Variants in DSC1 observed in about 807,000 individuals in gnomAD.
DSC1 encodes the protein desmocollin 1.
Under a neutral mutation model 98.8 loss-of-function variants are expected in DSC1, and 79 were observed. The observed-to-expected ratio is 0.80, with a 90% CI of 0.67 to 0.96. The LOEUF is 0.96. DSC1 is among the 50% of genes least tolerant of loss of function. The pLI, the probability that DSC1 is intolerant of heterozygous loss-of-function variation, is 0.00. For synonymous variants in DSC1, 405 were observed against 372.1 expected (o/e 1.09, Z -1.02); for missense variants, 1,115 against 1,075.9 (o/e 1.04, Z -0.51).
At chr18:31,136,120 A>T (rs1340021950) in intron 11 of DSC1, among the ~76,000 whole-genome samples, 1 of 152,002 alleles carries the variant, frequency 6.6e-6, no homozygotes, top group Non-Finnish European at 1.5e-5. Context: ...GAAATAAAAG[A>T]GAGATATAGC....
chr18:31,145,244 C>T (rs1022517127), intron 7 of DSC1, among the ~76,000 whole-genome samples: 1 of 152,196 alleles, frequency 6.6e-6, no homozygotes, highest in East Asian at 1.9e-4. Flanking sequence ...GCCTGGCCCC[C>T]GTCTGTACTT....
intron 1 of DSC1, among the ~76,000 whole-genome samples, chr18:31,161,098 A>AT (rs1275611905): frequency 6.6e-6 from 1 of 152,184 alleles, no homozygotes; most frequent in Non-Finnish European, 1.5e-5. Context: ...GGTGTATAGT[A>AT]TATAGTATAG....
At chr18:31,142,734 T>C (rs914061168) in intron 8 of DSC1, among the ~76,000 whole-genome samples, 8 of 152,036 alleles carry the variant, frequency 5.3e-5, no homozygotes, top group Non-Finnish European at 1.0e-4. Flanking sequence ...AAGCATAAGA[T>C]ATTAAAGACT....
rs192134541 is a variant in DSC1, at chr18:31,148,292, A to G, written c.772+206T>C. Among the ~76,000 whole-genome samples, 52 of 152,306 alleles carry G rather than the reference A, an allele frequency of 3.4e-4. No homozygotes were observed. In the East Asian group the frequency reaches 8.5e-3, roughly 25 times the overall value. Reference sequence around the variant, plus strand: ...ATATTTTATCATATGAATATGCTTAAATTTAAGAAAGTGTGCTCAGAGTCA... The same window carrying G: ...ATATTTTATCATATGAATATGCTTAGATTTAAGAAAGTGTGCTCAGAGTCA... On this transcript the variant is annotated intron_variant, in intron 6 of 15. Transcript: ENST00000257198.
intron 11 of DSC1, among the ~76,000 whole-genome samples, chr18:31,135,078 C>T (rs540271814): frequency 1.6e-3 from 241 of 152,220 alleles, no homozygotes; most frequent in Non-Finnish European, 2.8e-3. Flanking sequence ...TGTCTTACAT[C>T]CTTCTTTATG....
At chr18:31,145,521 G>A (rs1988827966) in intron 7 of DSC1, 90 bp downstream of exon 7, 2 of 1,432,812 alleles carry the variant, frequency 1.4e-6, no homozygotes, top group Non-Finnish European at 1.9e-6. Flanking sequence ...GAGAAAGGAG[G>A]CCAGACTGGC....
intron 2 of DSC1, among the ~76,000 whole-genome samples, chr18:31,159,064 T>TTTTTTTTTTTTTTTA (rs1398116576): frequency 1.0e-5 from 1 of 99,742 alleles, no homozygotes; most frequent in African/African-American, 3.5e-5. Context: ...TTTTTTTTTT[T>TTTTTTTTTTTTTTTA]GAGACAGAGT....
chr18:31,151,605 G>A (rs1032953148), intron 5 of DSC1, among the ~76,000 whole-genome samples: 1 of 152,144 alleles, frequency 6.6e-6, no homozygotes, highest in Non-Finnish European at 1.5e-5. Flanking sequence ...AGTTTCCTCT[G>A]AATTATTCTA....
At chr18:31,145,819 A>G (rs767822114) in intron 6 of DSC1, 42 bp from the exon 7 acceptor site, 3 of 1,575,902 alleles carry the variant, frequency 1.9e-6, no homozygotes, top group Admixed American at 1.9e-5. Context: ...TTCTACTCAT[A>G]TAATTGAATT....
chr18:31,131,736 A>T lies in DSC1; in HGVS notation c.2345T>A (p.Met782Lys), dbSNP rs982265208. Residue 782 changes from methionine (M) to lysine (K), a missense_variant, in exon 15 of 16, where the codon ATG becomes AAG. Transcript: ENST00000257198. The stretch of plus-strand genomic sequence containing the variant: ...ATCCAAAGTGTAGCCTCCTTTGACC[A>T]TCTCAAAACTTTGCTGTGTTTTGAT... The part of the protein sequence containing the change: ...QGIKTQQSFE[M>K]VKGGYTLDSN... 1 of 1,614,154 alleles carries T rather than the reference A, an allele frequency of 6.2e-7. No homozygotes were observed. Among genetic ancestry groups the T allele is most frequent in the East Asian group, 2.2e-5 (1 of 44,876 alleles).
rs1225404858 is a variant in DSC1 at position 31,139,873 on chromosome 18, TC to T, written c.1537del (p.Asp513MetfsTer15). On this transcript the variant is annotated frameshift_variant, in exon 11 of 16. Coordinates refer to ENST00000257198, the MANE Select transcript of DSC1 (RefSeq NM_024421.2). LOFTEE classifies it high-confidence loss of function. The stretch of plus-strand genomic sequence containing the variant: ...ATTAATTTCAAACCAGTTATCTTCA[TC>T]CCCTAACTTCTGATACCTAATTTTT... ...GEGLRYQKLG[D>X]EDNWFEINQH... The T allele has an allele frequency of 1.2e-5, 19 of 1,603,210 alleles. No homozygotes were observed. The highest frequency in any genetic ancestry group is 1.6e-5 in the Non-Finnish European group (19 of 1,177,126).
At chr18:31,138,438 G>A (rs1042566272) in intron 11 of DSC1, among the ~76,000 whole-genome samples, 9 of 151,846 alleles carry the variant, frequency 5.9e-5, no homozygotes, top group African/African-American at 9.7e-5. Flanking sequence ...AGTTGATATC[G>A]TGTAAGAATT....
chr18:31,152,969 A>G lies in DSC1; in HGVS notation c.627+1805T>C, dbSNP rs16961356. Among the ~76,000 whole-genome samples, 363 of 95,870 alleles carry G rather than the reference A, an allele frequency of 3.8e-3. 1 individual carries two copies. The highest frequency in any genetic ancestry group is 0.029 in the Middle Eastern group (5 of 172). 62.9% of individuals were successfully genotyped at this position (95,870 alleles called of 152,430 possible). A position where few individuals can be genotyped will look rare whatever the true frequency, so the allele number is the denominator to read the frequency against. On this transcript the variant is annotated intron_variant, in intron 5 of 15. Coordinates refer to ENST00000257198, the MANE Select transcript of DSC1 (RefSeq NM_024421.2). The stretch of plus-strand genomic sequence containing the variant: ...GTGGTGTTTCTTAATGCCAATTCAA[A>G]CTTAACTGTGTTAATGGGACCTACA...
chr18:31,148,094 C>A (rs900745378), intron 6 of DSC1, among the ~76,000 whole-genome samples: 2 of 152,098 alleles, frequency 1.3e-5, no homozygotes, highest in Non-Finnish European at 2.9e-5. Flanking sequence ...TTATACTGAA[C>A]AACAACTTTT....
intron 1 of DSC1, among the ~76,000 whole-genome samples, chr18:31,160,527 A>G (rs1027678368): frequency 6.6e-6 from 1 of 152,146 alleles, no homozygotes; most frequent in African/African-American, 2.4e-5. Context: ...TCTACCAGAT[A>G]TACTGTAGCA....
At chr18:31,154,635 TA>T in intron 5 of DSC1, 138 bp downstream of exon 5, 1 of 811,662 alleles carries the variant, frequency 1.2e-6, no homozygotes, top group Non-Finnish European at 1.8e-6. Flanking sequence ...AATAGAAATT[TA>T]AAGTTTATAT....
chr18:31,132,296 C>T (rs114862017), intron 14 of DSC1: 11 of 363,600 alleles, frequency 3.0e-5, no homozygotes, highest in East Asian at 1.8e-4. Flanking sequence ...AGAGGGAGCA[C>T]GGACCTGCCA....
In DSC1 at chr18:31,131,655, C is replaced by T. The variant is rs748455000; in HGVS notation, c.2426G>A (p.Gly809Glu). The T allele has an allele frequency of 5.0e-6, 8 of 1,614,000 alleles. No homozygotes were observed. Residue 809 changes from glycine to glutamate, a missense_variant, in exon 15 of 16, where the codon GGA (glycine) becomes GAA (glutamate). Transcript: ENST00000257198. ...TLESVKGVGQ[G>E]DTGRYAYTDW... ...CGTGTACGCATATCTGCCAGTATCT[C>T]CCTGCCCCACTCCCTTGACGGACTC...
chr18:31,132,722 G>T, intron 13 of DSC1, 33 bp from the exon 14 acceptor site: 2 of 1,588,830 alleles, frequency 1.3e-6, no homozygotes, highest in South Asian at 1.1e-5. Flanking sequence ...GTAAAACACA[G>T]ACATTAAATC....
Sources: gnomAD v4.1 joint callset for allele counts (sites outside exome capture counted in the v4.1 genomes callset) on GRCh38, gnomAD v4.1.1 for gene constraint, MANE v1.5 for transcripts, NCBI Gene and HGNC (gene_info 2026-07-23, HGNC 2026-07-21) for gene names.